Variants in L3MBTL4 observed in about 807,000 individuals in gnomAD.
The protein encoded by L3MBTL4 is lethal(3)malignant brain tumor-like protein 4.
Under a neutral mutation model 84.5 loss-of-function variants are expected in L3MBTL4, and 70 were observed. The observed-to-expected ratio is 0.83, with a 90% CI of 0.68 to 1.01. The LOEUF (loss-of-function observed/expected upper bound fraction) is 1.01. L3MBTL4 is among the 50% of genes least tolerant of loss of function. The probability of loss-of-function intolerance (pLI) is 0.00; values close to 1 mark genes in which losing one functional copy is unlikely to be tolerated. For missense variants in L3MBTL4, 715 were observed against 754.8 expected, an observed-to-expected ratio of 0.95 and a Z score of 0.62; for synonymous variants, 274 against 259.8, an observed-to-expected ratio of 1.05 and a Z score of -0.52.
At chr18:6,166,031 C>T (rs2043635819) in intron 13 of L3MBTL4, among the ~76,000 whole-genome samples, 1 of 152,100 alleles carries the variant, frequency 6.6e-6, no homozygotes, top group Admixed American at 6.6e-5. Flanking sequence ...GGTTGCAATC[C>T]TAGTCTCAGA....
chr18:6,363,324 C>T (rs569113909), intron 1 of L3MBTL4, among the ~76,000 whole-genome samples: 18 of 152,260 alleles, frequency 1.2e-4, no homozygotes, highest in African/African-American at 3.9e-4. Context: ...CCACACCCGA[C>T]TCCCAGGCCC....
chr18:6,411,867 AT>A (rs1363207077), intron 1 of L3MBTL4, among the ~76,000 whole-genome samples: 3 of 152,128 alleles, frequency 2.0e-5, no homozygotes, highest in Admixed American at 2.0e-4. Flanking sequence ...GAGCCAAATG[AT>A]ATGTTTAGTT....
chr18:6,166,806 G>A (rs1260547233), intron 13 of L3MBTL4, among the ~76,000 whole-genome samples: 3 of 152,096 alleles, frequency 2.0e-5, no homozygotes, highest in African/African-American at 2.4e-5. Context: ...AAAGCTAGCA[G>A]AAGGAAAGAA....
At chr18:5,990,963 TC>T (rs1217125189) in intron 16 of L3MBTL4, among the ~76,000 whole-genome samples, 1 of 152,136 alleles carries the variant, frequency 6.6e-6, no homozygotes, top group Non-Finnish European at 1.5e-5. Flanking sequence ...CTCATCTGTC[TC>T]CCCATCTCTC....
At chr18:6,151,230 A>T (rs1443809690) in intron 13 of L3MBTL4, among the ~76,000 whole-genome samples, 1 of 152,198 alleles carries the variant, frequency 6.6e-6, no homozygotes, top group African/African-American at 2.4e-5. Flanking sequence ...ATTTTTGTAA[A>T]TAACAAAATA....
intron 16 of L3MBTL4, among the ~76,000 whole-genome samples, chr18:6,007,986 C>T (rs1160119783): frequency 1.3e-5 from 2 of 152,206 alleles, no homozygotes; most frequent in African/African-American, 4.8e-5. Context: ...ACCATGTGAA[C>T]TGGCTACCTA....
At chr18:6,172,419 GA>G (rs1568252374) in intron 12 of L3MBTL4, among the ~76,000 whole-genome samples, 1 of 152,140 alleles carries the variant, frequency 6.6e-6, no homozygotes, top group Non-Finnish European at 1.5e-5. Context: ...TCACAAATGA[GA>G]GACGGGCCCA....
At chr18:6,266,646 C>T (rs2048646395) in intron 4 of L3MBTL4, among the ~76,000 whole-genome samples, 1 of 152,172 alleles carries the variant, frequency 6.6e-6, no homozygotes, top group East Asian at 1.9e-4. Context: ...AATTTCTGGC[C>T]AGGTGCAGTG....
chr18:6,165,190 C>A (rs1598972932), intron 13 of L3MBTL4, among the ~76,000 whole-genome samples: 1 of 151,960 alleles, frequency 6.6e-6, no homozygotes, highest in African/African-American at 2.4e-5. Context: ...GTGAAAAGAC[C>A]AAATCTACAT....
intron 1 of L3MBTL4, among the ~76,000 whole-genome samples, chr18:6,393,864 A>AC (rs2055160675): frequency 6.6e-6 from 1 of 151,980 alleles, no homozygotes; most frequent in Non-Finnish European, 1.5e-5. Context: ...CTGCCAGGGC[A>AC]CCCCGTCACT....
At chr18:6,154,467 A>G (rs2043019317) in intron 13 of L3MBTL4, among the ~76,000 whole-genome samples, 1 of 152,174 alleles carries the variant, frequency 6.6e-6, no homozygotes, top group Admixed American at 6.6e-5. Flanking sequence ...CTACTACAGT[A>G]CTCAAGAATG....
chr18:6,222,883 T>TA (rs1273707304), intron 10 of L3MBTL4, among the ~76,000 whole-genome samples: 1 of 150,378 alleles, frequency 6.6e-6, no homozygotes, highest in Non-Finnish European at 1.5e-5. Context: ...TTTGTTTGGC[T>TA]AAAAAAAAGT....
At chr18:6,087,218 G>A (rs545260697) in intron 15 of L3MBTL4, among the ~76,000 whole-genome samples, 1 of 152,312 alleles carries the variant, frequency 6.6e-6, no homozygotes, top group East Asian at 1.9e-4. Flanking sequence ...AATTCAGCAA[G>A]ATAAGTGTTA....
chr18:5,998,531 G>C (rs1427862321), intron 16 of L3MBTL4, among the ~76,000 whole-genome samples: 3 of 152,074 alleles, frequency 2.0e-5, no homozygotes, highest in African/African-American at 7.2e-5. Flanking sequence ...TTAACCAAAG[G>C]GTGGTTAACA....
intron 16 of L3MBTL4, chr18:6,031,088 A>G: frequency 1.0e-6 from 1 of 985,428 alleles, no homozygotes; most frequent in Non-Finnish European, 1.2e-6. Flanking sequence ...TAATTATAGG[A>G]AGCTGGGGTT....
intron 16 of L3MBTL4, among the ~76,000 whole-genome samples, chr18:6,073,660 G>A (rs1484717398): frequency 6.6e-6 from 1 of 152,076 alleles, no homozygotes; most frequent in Non-Finnish European, 1.5e-5. Flanking sequence ...TGGTAGTCAG[G>A]GGGTATAAAA....
At chr18:6,316,907 G>A (rs1400599690) in intron 1 of L3MBTL4, among the ~76,000 whole-genome samples, 2 of 152,048 alleles carry the variant, frequency 1.3e-5, no homozygotes, top group Non-Finnish European at 2.9e-5. Context: ...TTAGCCACCT[G>A]CTTTAGCCAC....
In L3MBTL4 at chr18:6,198,683, G is replaced by A. The variant is rs184920892; in HGVS notation, c.981+14466C>T. 4.8e-3 allele frequency among the ~76,000 whole-genome samples: 737 copies of A among 152,228 alleles called. 8 individuals carry two copies. The highest frequency in any genetic ancestry group is 0.016 in the African/African-American group (674 of 41,534). ...TGAAATGATGAGAGGAAATGACCAT[G>A]TGTCATAAGAAGTATTAAATGAAGA... On this transcript the variant is annotated intron_variant, in intron 12 of 18. Transcript: ENST00000317931.
At chr18:6,173,605 C>G (rs2044081656) in intron 12 of L3MBTL4, among the ~76,000 whole-genome samples, 1 of 151,960 alleles carries the variant, frequency 6.6e-6, no homozygotes, top group Admixed American at 6.6e-5. Context: ...CATGGTGAAA[C>G]CTCATCTCTA....
Sources: gnomAD v4.1 joint callset for allele counts (sites outside exome capture counted in the v4.1 genomes callset) on GRCh38, gnomAD v4.1.1 for gene constraint, MANE v1.5 for transcripts, NCBI Gene and HGNC (gene_info 2026-07-23, HGNC 2026-07-21) for gene names.